The following KHDRBS2 variants were observed in gnomAD, a reference collection of about 807,000 sequenced individuals.
KHDRBS2 encodes the protein KH domain-containing, RNA-binding, signal transduction-associated protein 2.
Under a neutral mutation model 44.3 loss-of-function variants are expected in KHDRBS2, and 26 were observed. The observed-to-expected ratio is 0.59, with a 90% CI of 0.43 to 0.81. The LOEUF (loss-of-function observed/expected upper bound fraction) is 0.81. Among genes scored for constraint, KHDRBS2 ranks in the 40% least tolerant of loss-of-function variants. The pLI, the probability that KHDRBS2 is intolerant of heterozygous loss-of-function variation, is 0.00. For synonymous variants in KHDRBS2, 194 were observed against 151.1 expected, an observed-to-expected ratio of 1.28 and a Z score of -2.08; for missense variants, 476 against 433.1, an observed-to-expected ratio of 1.10 and a Z score of -0.88.
intron 6 of KHDRBS2, among the ~76,000 whole-genome samples, chr6:61,847,234 C>A (rs1794550175): frequency 6.6e-6 from 1 of 152,052 alleles, no homozygotes; most frequent in African/African-American, 2.4e-5. Flanking sequence ...GAAGAGATTT[C>A]TTTCTTCTCC....
intron 2 of KHDRBS2, among the ~76,000 whole-genome samples, chr6:62,108,678 C>A (rs1309072159): frequency 1.3e-5 from 2 of 152,168 alleles, no homozygotes; most frequent in East Asian, 1.9e-4. Context: ...TTCACAATAG[C>A]AAAGACTTGG....
intron 1 of KHDRBS2, among the ~76,000 whole-genome samples, chr6:62,200,691 T>A (rs1367017487): frequency 6.6e-6 from 1 of 152,164 alleles, no homozygotes; most frequent in Non-Finnish European, 1.5e-5. Flanking sequence ...TCTTCAGGGA[T>A]CTAGAACTAG....
chr6:61,779,622 C>T (rs997889909), intron 6 of KHDRBS2, among the ~76,000 whole-genome samples: 68 of 151,634 alleles, frequency 4.5e-4, no homozygotes, highest in African/African-American at 1.6e-3. Flanking sequence ...TTGAACCACC[C>T]AACCAAAAAA....
chr6:61,950,694 A>G (rs1516720), intron 4 of KHDRBS2, among the ~76,000 whole-genome samples: 1 of 151,826 alleles, frequency 6.6e-6, no homozygotes, highest in Non-Finnish European at 1.5e-5. Context: ...CTCCTGAGGA[A>G]TTTAAGTGAT....
chr6:61,547,203 T>C, the KHDRBS2 span, among the ~76,000 whole-genome samples: 1 of 152,106 alleles, frequency 6.6e-6, no homozygotes, highest in Non-Finnish European at 1.5e-5. Flanking sequence ...GAGAAAGCAA[T>C]GTTGAATCAA....
intron 2 of KHDRBS2, among the ~76,000 whole-genome samples, chr6:62,070,241 G>A (rs1210636504): frequency 6.6e-6 from 1 of 151,350 alleles, no homozygotes; most frequent in African/African-American, 2.4e-5. Context: ...TATTAATAAG[G>A]GATATTGATA....
chr6:61,868,613 T>G (rs1798129247), intron 6 of KHDRBS2, among the ~76,000 whole-genome samples: 1 of 152,140 alleles, frequency 6.6e-6, no homozygotes, highest in African/African-American at 2.4e-5. Flanking sequence ...GCAGCTGCAC[T>G]TTGCTGGGGG....
At chr6:61,994,660 A>G (rs1452376770) in intron 3 of KHDRBS2, among the ~76,000 whole-genome samples, 1 of 152,230 alleles carries the variant, frequency 6.6e-6, no homozygotes, top group Non-Finnish European at 1.5e-5. Flanking sequence ...GGTATGAGAT[A>G]AAGGTCAGAA....
chr6:61,860,646 T>C (rs1796801175), intron 6 of KHDRBS2, among the ~76,000 whole-genome samples: 1 of 152,100 alleles, frequency 6.6e-6, no homozygotes, highest in African/African-American at 2.4e-5. Context: ...TGATTACATA[T>C]CTTTGCTATT....
At chr6:61,834,817 T>C (rs905361357) in intron 6 of KHDRBS2, among the ~76,000 whole-genome samples, 1 of 152,082 alleles carries the variant, frequency 6.6e-6, no homozygotes, top group South Asian at 2.1e-4. Context: ...TACAAGTCTA[T>C]GTCTACTTAC....
chr6:61,673,089 T>C, the KHDRBS2 span, among the ~76,000 whole-genome samples: 1 of 151,860 alleles, frequency 6.6e-6, no homozygotes, highest in Non-Finnish European at 1.5e-5. Context: ...CCCAGCACCA[T>C]TTATTAAATA....
At chr6:62,029,810 G>A (rs1784021074) in intron 3 of KHDRBS2, among the ~76,000 whole-genome samples, 1 of 151,930 alleles carries the variant, frequency 6.6e-6, no homozygotes, top group African/African-American at 2.4e-5. Context: ...TCAATGGATG[G>A]ATTTTAATGC....
intron 4 of KHDRBS2, 114 bp downstream of exon 4, chr6:61,977,952 T>C: frequency 2.3e-6 from 2 of 873,306 alleles, no homozygotes; most frequent in Non-Finnish European, 3.5e-6. Flanking sequence ...GACCTGTGGA[T>C]AGATCATTGG....
At chr6:62,207,351 C>T (rs1189996433) in intron 1 of KHDRBS2, among the ~76,000 whole-genome samples, 1 of 151,990 alleles carries the variant, frequency 6.6e-6, no homozygotes, top group African/African-American at 2.4e-5. Context: ...TCTGCTTTAT[C>T]CACAAATGCA....
intron 1 of KHDRBS2, among the ~76,000 whole-genome samples, chr6:62,213,650 G>T (rs1180022029): frequency 1.3e-5 from 2 of 151,464 alleles, no homozygotes; most frequent in Non-Finnish European, 2.9e-5. Flanking sequence ...TGAGACGGTC[G>T]GATCACAAGG....
chr6:61,775,439 A>C (rs1254746942), intron 6 of KHDRBS2, among the ~76,000 whole-genome samples: 2 of 152,200 alleles, frequency 1.3e-5, no homozygotes, highest in Admixed American at 1.3e-4. Flanking sequence ...CAACTTCAGC[A>C]AAGTCTCAGG....
At chr6:62,027,088 A>G (rs1783496363) in intron 3 of KHDRBS2, among the ~76,000 whole-genome samples, 1 of 151,666 alleles carries the variant, frequency 6.6e-6, no homozygotes, top group South Asian at 2.1e-4. Context: ...TCATCTCTGG[A>G]ACTTAAGAAA....
intron 1 of KHDRBS2, among the ~76,000 whole-genome samples, chr6:62,269,924 T>C (rs550815174): frequency 2.0e-5 from 3 of 152,046 alleles, no homozygotes; most frequent in Non-Finnish European, 4.4e-5. Context: ...TATTAATAAA[T>C]GCAACAACAT....
chr6:62,276,479 T>A (rs1223936327), intron 1 of KHDRBS2, among the ~76,000 whole-genome samples: 1 of 152,104 alleles, frequency 6.6e-6, no homozygotes, highest in Non-Finnish European at 1.5e-5. Context: ...CACAAAATTA[T>A]CCAATCACTT....
Sources: allele counts gnomAD v4.1 joint callset (sites outside exome capture counted in the v4.1 genomes callset), GRCh38; gene constraint gnomAD v4.1.1; transcripts MANE v1.5; gene names NCBI Gene and HGNC (gene_info 2026-07-23, HGNC 2026-07-21).